PTPRD: variants seen among roughly 807,000 people sequenced by gnomAD.
The protein encoded by PTPRD is protein tyrosine phosphatase receptor type D, also known as receptor-type tyrosine-protein phosphatase delta.
PTPRD carries 34 observed loss-of-function variants against 214.5 expected under a neutral mutation model. That is an observed-to-expected ratio of 0.16 (90% CI 0.12 to 0.21). The LOEUF (loss-of-function observed/expected upper bound fraction) is 0.21, where lower values mean the gene tolerates loss of function less well. PTPRD is among the 10% of genes least tolerant of loss of function. PTPRD has a pLI of 1.00. For missense variants in PTPRD, 2,545 were observed against 2,398.7 expected (o/e 1.06, Z -1.27); for synonymous variants, 1,128 against 845.7 (o/e 1.33, Z -5.79).
intron 2 of PTPRD, among the ~76,000 whole-genome samples, chr9:10,479,641 A>ATAAG (rs2099084284): frequency 7.8e-6 from 1 of 128,222 alleles, no homozygotes; most frequent in African/African-American, 2.7e-5. Flanking sequence ...AAATAAATAA[A>ATAAG]TAAATAAATA....
chr9:8,528,408 A>G (rs2074785959), intron 15 of PTPRD, 183 bp downstream of exon 15: 1 of 659,906 alleles, frequency 1.5e-6, no homozygotes, highest in East Asian at 2.8e-5. Context: ...AAGGAGAAAG[A>G]CAGACTCTGA....
At chr9:9,008,205 T>TTTTTTTTATTTATTTA (rs372318540) in intron 11 of PTPRD, among the ~76,000 whole-genome samples, 1 of 121,188 alleles carries the variant, frequency 8.3e-6, no homozygotes, top group Non-Finnish European at 1.7e-5. Context: ...CTCCCCTTCA[T>TTTTTTTTATTTATTTA]TTTATTTATT....
chr9:8,477,888 C>G (rs752111807), intron 30 of PTPRD, among the ~76,000 whole-genome samples: 2 of 152,196 alleles, frequency 1.3e-5, no homozygotes, highest in Non-Finnish European at 2.9e-5. Flanking sequence ...GGCTCTGGAG[C>G]CAGACTGCCT....
At chr9:9,475,970 G>T (rs191785124) in intron 8 of PTPRD, among the ~76,000 whole-genome samples, 1 of 151,896 alleles carries the variant, frequency 6.6e-6, no homozygotes, top group Non-Finnish European at 1.5e-5. Context: ...AAAATCTTAG[G>T]TAGAACTCCA....
chr9:8,396,696 G>T (rs1382335226), intron 36 of PTPRD, among the ~76,000 whole-genome samples: 4 of 152,044 alleles, frequency 2.6e-5, no homozygotes, highest in African/African-American at 7.2e-5. Context: ...ACATCAGCAG[G>T]TATAGTCTAA....
chr9:9,790,520 G>C lies in PTPRD; in HGVS notation c.-367-23669C>G, dbSNP rs983989262. ...TCAGTGGCTTTATCTCAAATGTTTT[G>C]TAAGTTATTCTGTTGCTAATTAAAC... On this transcript the variant is annotated intron_variant, in intron 5 of 45. Coordinates refer to ENST00000381196, the MANE Select transcript of PTPRD (RefSeq NM_002839.4). Among the ~76,000 whole-genome samples the C allele has an allele frequency of 2.0e-5, 3 of 152,078 alleles. No individual in the cohort carries two copies. The East Asian group carries it at 5.8e-4, about 29-fold the overall frequency.
Position 8,417,705 on chromosome 9 carries a change from A to T in PTPRD, c.4087-13045T>A, listed in dbSNP as rs1207162268. Among the ~76,000 whole-genome samples the T allele has an allele frequency of 4.6e-5, 7 of 152,162 alleles. No individual in the cohort carries two copies. The East Asian group carries it at 1.2e-3, about 25-fold the overall frequency. On this transcript the variant is annotated intron_variant, in intron 35 of 45. Transcript: ENST00000381196. ...TTCAAGTATTCTATTAACTACTGTG[A>T]GAGAGACAGCTACAAGATCAAAATG...
intron 9 of PTPRD, among the ~76,000 whole-genome samples, chr9:9,221,531 A>C (rs1380310970): frequency 6.6e-6 from 1 of 152,000 alleles, no homozygotes; most frequent in East Asian, 1.9e-4. Flanking sequence ...AGATCTCTGG[A>C]GAGGGCTCTC....
chr9:8,616,802 T>C (rs1373571376), intron 14 of PTPRD, among the ~76,000 whole-genome samples: 1 of 152,154 alleles, frequency 6.6e-6, no homozygotes, highest in Non-Finnish European at 1.5e-5. Context: ...ATGTTTTGGA[T>C]GTGATTTACT....
At chr9:8,627,167 T>G (rs1003188059) in intron 14 of PTPRD, among the ~76,000 whole-genome samples, 2 of 151,650 alleles carry the variant, frequency 1.3e-5, no homozygotes, top group African/African-American at 2.4e-5. Flanking sequence ...TGAGCACTTT[T>G]TATTTCCCAT....
At chr9:10,586,844 G>C (rs1357682056) in intron 2 of PTPRD, among the ~76,000 whole-genome samples, 1 of 150,686 alleles carries the variant, frequency 6.6e-6, no homozygotes, top group Admixed American at 6.6e-5. Flanking sequence ...TTCAGATTCA[G>C]GATTGCTCTC....
chr9:9,614,808 C>A (rs1158634081), intron 7 of PTPRD, among the ~76,000 whole-genome samples: 2 of 152,172 alleles, frequency 1.3e-5, no homozygotes, highest in African/African-American at 2.4e-5. Context: ...TATTTGAACA[C>A]ATTTTTGTGG....
At chr9:9,871,942 C>T (rs1458215041) in intron 5 of PTPRD, among the ~76,000 whole-genome samples, 1 of 152,054 alleles carries the variant, frequency 6.6e-6, no homozygotes, top group Non-Finnish European at 1.5e-5. Flanking sequence ...TTTACAATTG[C>T]CAGACAAACA....
chr9:10,546,647 G>A (rs961542332), intron 2 of PTPRD, among the ~76,000 whole-genome samples: 4 of 151,992 alleles, frequency 2.6e-5, no homozygotes, highest in African/African-American at 4.8e-5. Context: ...CTTTCTAGGA[G>A]AGGATCCATT....
chr9:10,207,517 T>C (rs1339632807), intron 3 of PTPRD, among the ~76,000 whole-genome samples: 2 of 151,980 alleles, frequency 1.3e-5, no homozygotes, highest in African/African-American at 4.8e-5. Context: ...ATTAATTCTT[T>C]CTAAAATATA....
At chr9:9,726,923 A>G (rs1305254269) in intron 7 of PTPRD, among the ~76,000 whole-genome samples, 4 of 152,202 alleles carry the variant, frequency 2.6e-5, no homozygotes, top group Non-Finnish European at 5.9e-5. Context: ...TGAGTACCCA[A>G]GGTTTTGTTA....
At chr9:8,798,858 A>G (rs929477104) in intron 11 of PTPRD, among the ~76,000 whole-genome samples, 1 of 152,192 alleles carries the variant, frequency 6.6e-6, no homozygotes, top group East Asian at 1.9e-4. Flanking sequence ...AAGTCAGAGT[A>G]TCTAGGTCCT....
intron 7 of PTPRD, among the ~76,000 whole-genome samples, chr9:9,724,314 T>C (rs10977934): frequency 0.59 from 89,410 of 152,040 alleles, 28,751 homozygotes; most frequent in African/African-American, 0.83. Context: ...CAAGGAAACA[T>C]CACAGTTACA....
At chr9:9,900,681 G>T (rs1334533713) in intron 5 of PTPRD, among the ~76,000 whole-genome samples, 2 of 135,106 alleles carry the variant, frequency 1.5e-5, no homozygotes, top group Non-Finnish European at 3.1e-5. Context: ...TCTGTTGCCA[G>T]GCTGGAATGC....
Sources: allele counts gnomAD v4.1 joint callset (sites outside exome capture counted in the v4.1 genomes callset), GRCh38; gene constraint gnomAD v4.1.1; transcripts MANE v1.5; gene names NCBI Gene and HGNC (gene_info 2026-07-23, HGNC 2026-07-21).